Variants in RWDD4 observed in about 807,000 individuals in gnomAD.
RWDD4 encodes RWD domain containing 4, also known as RWD domain-containing protein 4.
A neutral mutation model predicts 30.0 loss-of-function variants in RWDD4; 16 were observed. The observed-to-expected ratio is 0.53, with a 90% CI of 0.36 to 0.81. RWDD4 has a LOEUF of 0.81. Among genes scored for constraint, RWDD4 ranks in the 30% least tolerant of loss-of-function variants. RWDD4 has a pLI of 0.00. For missense variants in RWDD4, 170 were observed against 223.9 expected, an observed-to-expected ratio of 0.76 and a Z score of 1.54; for synonymous variants, 45 against 72.1, an observed-to-expected ratio of 0.62 and a Z score of 1.90.
intron 2 of RWDD4, among the ~76,000 whole-genome samples, chr4:183,652,818 AAAAAAG>A (rs1734110785): frequency 6.6e-6 from 1 of 151,916 alleles, no homozygotes; most frequent in African/African-American, 2.4e-5. Context: ...CAAAAAAAAA[AAAAAAG>A]AAAGAAATCC....
intron 5 of RWDD4, 46 bp downstream of exon 5, chr4:183,649,405 A>G: frequency 1.6e-6 from 2 of 1,266,698 alleles, no homozygotes; most frequent in Non-Finnish European, 2.3e-6. Context: ...CAAGAGTGAG[A>G]CTCTGTCAAA....
intron 7 of RWDD4, among the ~76,000 whole-genome samples, chr4:183,643,295 C>T (rs966822293): frequency 4.8e-5 from 7 of 146,612 alleles, no homozygotes; most frequent in Admixed American, 2.7e-4. Flanking sequence ...GGCGTGGTGG[C>T]GCATGCCCAT....
At position 183,649,567 on chromosome 4, in the gene RWDD4, GTC is replaced by G; in HGVS notation, c.364-1_364del. The G allele has an allele frequency of 6.8e-7, 1 of 1,462,708 alleles. No homozygotes were observed. Among genetic ancestry groups the G allele is most frequent in the Admixed American group, 1.9e-5 (1 of 52,974 alleles). The allele number at this position is 1,462,708 out of a possible 1,614,324, so 90.6% of individuals were successfully genotyped here. ...AATTGAGATGATATTGCTTATCGATGTCTAAAAAAAAAAAGAAATAATTCTCA... is the reference window on the plus strand; with the variant it reads ...AATTGAGATGATATTGCTTATCGATGTAAAAAAAAAAAGAAATAATTCTCA... On this transcript the variant is annotated splice_acceptor_variant and coding_sequence_variant, in exon 5 of 8. Transcript: ENST00000326397. LOFTEE classifies it high-confidence loss of function.
In RWDD4 at chr4:183,649,874, T is replaced by C. The variant is rs188932963; in HGVS notation, c.364-306A>G. ...AAGGTAGGTTTACAATTCAGTTAAC[T>C]TGCTATTATTTGGAAATTTAATTAA... On this transcript the variant is annotated intron_variant, in intron 4 of 7. Transcript: ENST00000326397. Among the ~76,000 whole-genome samples, 105 of 152,362 alleles carry C rather than the reference T, an allele frequency of 6.9e-4. 1 individual carries two copies. Among genetic ancestry groups the C allele is most frequent in the Admixed American group, 1.9e-3 (29 of 15,306 alleles).
chr4:183,645,157 A>C (rs909710982), intron 7 of RWDD4, among the ~76,000 whole-genome samples: 2 of 152,236 alleles, frequency 1.3e-5, no homozygotes, highest in African/African-American at 4.8e-5. Flanking sequence ...TTAAGAATAC[A>C]CTGCTTGTAA....
At chr4:183,652,501 T>TAA (rs60632941) in intron 2 of RWDD4, among the ~76,000 whole-genome samples, 11 of 148,788 alleles carry the variant, frequency 7.4e-5, no homozygotes, top group African/African-American at 2.0e-4. Context: ...GTGGCAAAAG[T>TAA]AAAAAAAAAT....
chr4:183,647,139 G>A (rs1400756524), intron 5 of RWDD4, among the ~76,000 whole-genome samples: 9 of 152,152 alleles, frequency 5.9e-5, no homozygotes, highest in African/African-American at 1.9e-4. Context: ...TCTGCAAAGT[G>A]CTTTTATTAT....
At chr4:183,651,155 T>C in intron 3 of RWDD4, 24 bp from the exon 4 acceptor site, 1 of 1,613,582 alleles carries the variant, frequency 6.2e-7, no homozygotes, top group Non-Finnish European at 8.5e-7. Context: ...CAAAAATACC[T>C]TGCTGAGAGA....
In RWDD4 at chr4:183,641,389, G is replaced by C. The variant is rs1413256080; in HGVS notation, c.*47C>G. On this transcript the variant is annotated 3_prime_UTR_variant, in exon 8 of 8. Transcript: ENST00000326397. The stretch of plus-strand genomic sequence containing the variant: ...ATAGTAATGAAAGATTTTGAACCCA[G>C]TTTTACTCTTTAAAGAATGCTCTTT... 11 of 1,473,724 alleles carry C rather than the reference G, an allele frequency of 7.5e-6. No homozygotes were observed. Among genetic ancestry groups the C allele is most frequent in the Admixed American group, 1.8e-5 (1 of 54,366 alleles). 91.3% of individuals were successfully genotyped at this position (1,473,724 alleles called of 1,614,324 possible).
chr4:183,643,426 A>AAAAAAAAAAC (rs1733906065), intron 7 of RWDD4, among the ~76,000 whole-genome samples: 1 of 133,040 alleles, frequency 7.5e-6, no homozygotes, highest in African/African-American at 2.6e-5. Flanking sequence ...AAAAAAAAAA[A>AAAAAAAAAAC]AAAAAAAAAA....
intron 5 of RWDD4, among the ~76,000 whole-genome samples, chr4:183,648,598 CACTAAG>C (rs1393031467): frequency 2.0e-5 from 3 of 152,112 alleles, no homozygotes; most frequent in African/African-American, 7.2e-5. Flanking sequence ...TTACTTATCA[CACTAAG>C]ACCTAATGGT....
At chr4:183,656,871 C>A (rs1475219184) in intron 1 of RWDD4, among the ~76,000 whole-genome samples, 1 of 152,116 alleles carries the variant, frequency 6.6e-6, no homozygotes, top group Non-Finnish European at 1.5e-5. Context: ...ACTAAAGACA[C>A]AAAAATTAGC....
chr4:183,655,915 A>C lies in RWDD4; in HGVS notation c.71T>G (p.Phe24Cys). The C allele has an allele frequency of 6.2e-7, 1 of 1,611,664 alleles. No individual in the cohort carries two copies. Among genetic ancestry groups the C allele is most frequent in the Non-Finnish European group, 8.5e-7 (1 of 1,178,496 alleles). The change falls in exon 2 of 8, where the codon TTC (phenylalanine) becomes TGC (cysteine). Residue 24 changes from phenylalanine to cysteine, a missense_variant. Physicochemically the swap from Phe to Cys is radical, Grantham distance 205 (BLOSUM62 -2). Coordinates refer to ENST00000326397, the MANE Select transcript of RWDD4 (RefSeq NM_152682.4). ...LRSIYEGDES[F>C]RELSPVSFQY... ...AAAAGAAACTGGACTTAATTCCCGG[A>C]AACTTTCATCTCCTTCATAAATAGA...
chr4:183,654,753 T>C (rs944905180), intron 2 of RWDD4, among the ~76,000 whole-genome samples: 5 of 152,176 alleles, frequency 3.3e-5, no homozygotes, highest in Admixed American at 6.5e-5. Context: ...GGTTATTACA[T>C]ACTTGGAGAT....
chr4:183,652,724 C>A (rs1210481556), intron 2 of RWDD4, among the ~76,000 whole-genome samples: 1 of 151,258 alleles, frequency 6.6e-6, no homozygotes, highest in East Asian at 2.0e-4. Context: ...GCAGGAGAAT[C>A]GCTTGAATCT....
At chr4:183,641,635 C>T (rs1478130666) in intron 7 of RWDD4, among the ~76,000 whole-genome samples, 167 bp from the exon 8 acceptor site, 3 of 152,132 alleles carry the variant, frequency 2.0e-5, no homozygotes, top group African/African-American at 7.2e-5. Context: ...CTACTTCAAA[C>T]GGGTTTCAAA....
At chr4:183,654,233 G>A (rs760409294) in intron 2 of RWDD4, among the ~76,000 whole-genome samples, 12 of 152,144 alleles carry the variant, frequency 7.9e-5, no homozygotes, top group Admixed American at 2.0e-4. Flanking sequence ...AAAAAATTTC[G>A]TCCTCATTTT....
chr4:183,652,404 AGG>A, intron 2 of RWDD4, among the ~76,000 whole-genome samples: 1 of 121,230 alleles, frequency 8.2e-6, no homozygotes, highest in Admixed American at 1.0e-4. Context: ...TCCATTGCCC[AGG>A]CTGGGGTCCA....
At position 183,651,091 on chromosome 4, in the gene RWDD4, C is replaced by T. The variant is rs757295089; in HGVS notation, c.256G>A (p.Glu86Lys). ...GTTCCAAGATTAGCTTCTACTGCTT[C>T]CTGTAGCTTGGCTAATATACTCTGC... ...VKQSILAKLQ[E>K]AVEANLGTAM... Residue 86 changes from glutamate to lysine, a missense_variant, in exon 4 of 8, where the codon GAA becomes AAA. Coordinates refer to ENST00000326397, the MANE Select transcript of RWDD4 (RefSeq NM_152682.4). The T allele has an allele frequency of 9.3e-6, 15 of 1,614,094 alleles. No homozygotes were observed. In the Admixed American group the frequency reaches 1.7e-4, roughly 18 times the overall value.
Sources: gnomAD v4.1 joint callset for allele counts (sites outside exome capture counted in the v4.1 genomes callset) on GRCh38, gnomAD v4.1.1 for gene constraint, MANE v1.5 for transcripts, NCBI Gene and HGNC (gene_info 2026-07-23, HGNC 2026-07-21) for gene names.